SH3PXD2A: variants seen among roughly 807,000 people sequenced by gnomAD.
SH3PXD2A encodes the protein SH3 and PX domains 2A.
A neutral mutation model predicts 115.2 loss-of-function variants in SH3PXD2A; 32 were observed. That is an observed-to-expected ratio of 0.28 (90% CI 0.21 to 0.37). The LOEUF is 0.37. Ranked by LOEUF, SH3PXD2A falls within the 10% of genes least tolerant of loss-of-function variation. The pLI is 1.00. For missense variants in SH3PXD2A, 1,328 were observed against 1,498.7 expected, an observed-to-expected ratio of 0.89 and a Z score of 1.88; for synonymous variants, 610 against 629.1, an observed-to-expected ratio of 0.97 and a Z score of 0.45.
At chr10:103,618,547 C>T (rs1388383405) in intron 10 of SH3PXD2A, among the ~76,000 whole-genome samples, 1 of 152,212 alleles carries the variant, frequency 6.6e-6, no homozygotes, top group African/African-American at 2.4e-5. Context: ...TGGCCATGCC[C>T]TTCTGAAGGG....
intron 2 of SH3PXD2A, among the ~76,000 whole-genome samples, chr10:103,796,380 A>G (rs1201638536): frequency 1.3e-5 from 2 of 148,680 alleles, no homozygotes; most frequent in Non-Finnish European, 2.9e-5. Context: ...TAAATAAATA[A>G]AAGTAAAAAA....
chr10:103,760,288 G>C (rs1036788606), intron 3 of SH3PXD2A, among the ~76,000 whole-genome samples: 3 of 152,200 alleles, frequency 2.0e-5, no homozygotes, highest in Non-Finnish European at 4.4e-5. Flanking sequence ...TGTAAACCAG[G>C]TCAGGTGCAG....
chr10:103,774,287 T>C (rs2038857985), intron 2 of SH3PXD2A, among the ~76,000 whole-genome samples: 1 of 152,266 alleles, frequency 6.6e-6, no homozygotes, highest in South Asian at 2.1e-4. Context: ...GGATCATTTC[T>C]AATGATCTAT....
At chr10:103,623,490 G>T (rs1167812602) in intron 9 of SH3PXD2A, among the ~76,000 whole-genome samples, 1 of 152,162 alleles carries the variant, frequency 6.6e-6, no homozygotes, top group African/African-American at 2.4e-5. Flanking sequence ...CAGAAAGAAG[G>T]TGCCAGGCTG....
chr10:103,749,698 A>C (rs1407701913), intron 3 of SH3PXD2A: 1 of 152,230 alleles, frequency 6.6e-6, no homozygotes, highest in Admixed American at 6.5e-5. Context: ...CTGTGGAAGC[A>C]ATTGGATATT....
At chr10:103,831,477 G>A (rs2039481955) in intron 1 of SH3PXD2A, among the ~76,000 whole-genome samples, 1 of 152,160 alleles carries the variant, frequency 6.6e-6, no homozygotes, top group African/African-American at 2.4e-5. Context: ...TTGGACAGAA[G>A]CATTTTTTTT....
chr10:103,692,372 G>A (rs2037763462), intron 6 of SH3PXD2A, among the ~76,000 whole-genome samples: 1 of 150,362 alleles, frequency 6.7e-6, no homozygotes, highest in African/African-American at 2.4e-5. Context: ...GCACCTGTCA[G>A]GCCAATGCGG....
intron 5 of SH3PXD2A, among the ~76,000 whole-genome samples, chr10:103,707,289 G>A (rs1034945369): frequency 5.9e-5 from 9 of 151,598 alleles, no homozygotes; most frequent in Non-Finnish European, 8.8e-5. Context: ...CTCCGCCTCC[G>A]GGTTCAAGTG....
At chr10:103,617,363 T>C (rs1181711175) in intron 10 of SH3PXD2A, 49 bp from the exon 11 acceptor site, 1 of 1,291,240 alleles carries the variant, frequency 7.7e-7, no homozygotes, top group South Asian at 1.2e-5. Flanking sequence ...GGGGTGCAGG[T>C]CCTGCTTCCT....
At chr10:103,677,046 C>T (rs928092531) in intron 6 of SH3PXD2A, among the ~76,000 whole-genome samples, 7 of 152,198 alleles carry the variant, frequency 4.6e-5, no homozygotes, top group South Asian at 2.1e-4. Flanking sequence ...GTCTTGCAAT[C>T]CGCCTCCTCC....
intron 1 of SH3PXD2A, among the ~76,000 whole-genome samples, chr10:103,824,933 G>A (rs2039414492): frequency 1.3e-5 from 2 of 152,180 alleles, no homozygotes; most frequent in African/African-American, 4.8e-5. Flanking sequence ...CCCCTGAGTA[G>A]CTGGAGTTAC....
chr10:103,655,871 A>T (rs1002978217), intron 8 of SH3PXD2A, among the ~76,000 whole-genome samples: 7 of 152,052 alleles, frequency 4.6e-5, no homozygotes, highest in African/African-American at 1.7e-4. Context: ...TTAGACTCTA[A>T]GCTCCATAAA....
At chr10:103,780,267 C>T (rs980306497) in intron 2 of SH3PXD2A, among the ~76,000 whole-genome samples, 7 of 152,232 alleles carry the variant, frequency 4.6e-5, no homozygotes, top group African/African-American at 1.7e-4. Flanking sequence ...TTCTAAATGA[C>T]AGTCTAACAT....
Position 103,602,913 on chromosome 10 carries a change from T to C in SH3PXD2A, c.2305A>G (p.Ser769Gly). The part of the protein sequence containing the change: ...KPFLNRAESQ[S>G]QEKMDISTLR... ...GTGCTGATGTCCATCTTCTCTTGGC[T>C]CTGCGACTCTGCTCGGTTTAGGAAT... Residue 769 changes from serine (S) to glycine (G), a missense_variant, in exon 15 of 15, where the codon AGC becomes GGC. Transcript: ENST00000369774. The C allele has an allele frequency of 6.2e-7, 1 of 1,614,170 alleles. No homozygotes were observed. The highest frequency in any genetic ancestry group is 8.5e-7 in the Non-Finnish European group (1 of 1,180,014).
intron 1 of SH3PXD2A, among the ~76,000 whole-genome samples, chr10:103,824,866 G>A (rs2039413935): frequency 1.3e-5 from 2 of 152,124 alleles, no homozygotes; most frequent in South Asian, 2.1e-4. Context: ...GCAGTGGCAC[G>A]ATTTCTGCTC....
At chr10:103,821,601 G>A (rs1023757832) in intron 1 of SH3PXD2A, among the ~76,000 whole-genome samples, 10 of 152,132 alleles carry the variant, frequency 6.6e-5, no homozygotes, top group Non-Finnish European at 1.3e-4. Flanking sequence ...CACCCAGGCT[G>A]GAGTGCAATA....
intron 8 of SH3PXD2A, among the ~76,000 whole-genome samples, chr10:103,633,753 A>AG (rs2036822945): frequency 6.8e-6 from 1 of 147,780 alleles, no homozygotes; most frequent in Non-Finnish European, 1.5e-5. Context: ...AAAAAAAAAA[A>AG]AAGACTCAGC....
chr10:103,699,296 G>A (rs965433691), intron 5 of SH3PXD2A, among the ~76,000 whole-genome samples: 1 of 152,168 alleles, frequency 6.6e-6, no homozygotes, highest in Non-Finnish European at 1.5e-5. Flanking sequence ...GTCCCAATGA[G>A]CATTTTAAGA....
At chr10:103,668,553 G>A (rs189078019) in intron 7 of SH3PXD2A, 55 bp downstream of exon 7, 12 of 1,465,010 alleles carry the variant, frequency 8.2e-6, no homozygotes, top group East Asian at 4.9e-5. Context: ...CGGCTCCCGC[G>A]CACACGGACC....
Sources: gnomAD v4.1 joint callset for allele counts (sites outside exome capture counted in the v4.1 genomes callset) on GRCh38, gnomAD v4.1.1 for gene constraint, MANE v1.5 for transcripts, NCBI Gene and HGNC (gene_info 2026-07-23, HGNC 2026-07-21) for gene names.